PPP1R16B: variants seen among roughly 807,000 people sequenced by gnomAD.
PPP1R16B encodes the protein protein phosphatase 1 regulatory inhibitor subunit 16B.
In PPP1R16B, 14 loss-of-function variants were observed where a neutral mutation model predicts 61.7. The ratio of observed to expected loss-of-function variants is 0.23; its 90% CI spans 0.15 to 0.35. The LOEUF (loss-of-function observed/expected upper bound fraction) is 0.35. PPP1R16B is among the 10% of genes least tolerant of loss of function. The probability of loss-of-function intolerance (pLI) is 1.00; values close to 1 mark genes in which losing one functional copy is unlikely to be tolerated. For synonymous variants in PPP1R16B, 266 were observed against 305.3 expected (o/e 0.87, Z 1.34); for missense variants, 547 against 752.5 (o/e 0.73, Z 3.19).
chr20:38,848,253 A>G (rs1325225328), intron 2 of PPP1R16B, among the ~76,000 whole-genome samples: 2 of 152,094 alleles, frequency 1.3e-5, no homozygotes, highest in Non-Finnish European at 2.9e-5. Flanking sequence ...TTTTGGCCTT[A>G]TTTAAATAAA....
In PPP1R16B at chr20:38,855,982, A is replaced by AAGGAGGAGGAGGAGGAGGAGGAGGAGG. The variant is rs1555804355; in HGVS notation, c.250+19818_250+19819insGAGGAGGAGGAGGAGGAGGAGGAGGAG. ...GAGAGAGAGAGAGAGAGAGAGAGAG[A>AAGGAGGAGGAGGAGGAGGAGGAGGAGG]AGGAGGAGGAGAGAGACCAGGACAG... On this transcript the variant is annotated intron_variant, in intron 2 of 10. Transcript: ENST00000299824. Among the ~76,000 whole-genome samples, 402 of 41,328 alleles carry AAGGAGGAGGAGGAGGAGGAGGAGGAGG rather than the reference A, an allele frequency of 9.7e-3. 23 individuals carry two copies. Among genetic ancestry groups the AAGGAGGAGGAGGAGGAGGAGGAGGAGG allele is most frequent in the African/African-American group, 0.023 (156 of 6,654 alleles). The allele number at this position is 41,328 out of a possible 152,430, so 27.1% of individuals were successfully genotyped here.
intron 2 of PPP1R16B, among the ~76,000 whole-genome samples, chr20:38,854,017 G>T (rs1054491917): frequency 1.3e-5 from 2 of 152,182 alleles, no homozygotes; most frequent in African/African-American, 4.8e-5. Flanking sequence ...GTACTGAAAG[G>T]CATGATTCAT....
rs149113293 is a variant in PPP1R16B at position 38,811,934 on chromosome 20, G to T, written c.-102+6142G>T. 5.3e-5 allele frequency among the ~76,000 whole-genome samples: 8 copies of T among 152,336 alleles called. No homozygotes were observed. The South Asian group carries it at 1.7e-3, about 32-fold the overall frequency. Reference sequence around the variant, plus strand: ...GTGACTGTGTCCAATTCATTCAGCTGTGTGTCTCCAGTTGGCCAGCGTGAT... The same window carrying T: ...GTGACTGTGTCCAATTCATTCAGCTTTGTGTCTCCAGTTGGCCAGCGTGAT... On this transcript the variant is annotated intron_variant, in intron 1 of 10. Transcript: ENST00000299824.
At chr20:38,872,901 TG>T (rs2085140240) in intron 2 of PPP1R16B, 1 of 152,384 alleles carries the variant, frequency 6.6e-6, no homozygotes, top group Non-Finnish European at 1.5e-5. Context: ...GGCATTAATA[TG>T]GTGACCTCCC....
At chr20:38,896,404 A>ATCTC (rs142384788) in intron 4 of PPP1R16B, among the ~76,000 whole-genome samples, 32,329 of 141,100 alleles carry the variant, frequency 0.23, 4,195 homozygotes, top group African/African-American at 0.38. Context: ...TCCTCTCTTC[A>ATCTC]TCTCTCTCTC....
rs1452208237 is a variant in PPP1R16B at position 38,806,510 on chromosome 20, C to G, written c.-102+718C>G. ...CGCTCCCCTCTGGGCGACTCCGGCTCATCGATTCCGGCCCAGAGGAGCGCC... is the reference window on the plus strand; with the variant it reads ...CGCTCCCCTCTGGGCGACTCCGGCTGATCGATTCCGGCCCAGAGGAGCGCC... On this transcript the variant is annotated intron_variant, in intron 1 of 10. Transcript: ENST00000299824. The surrounding 1 kb of genome is among the most constrained non-coding windows in gnomAD (Gnocchi z 4.5). Among the ~76,000 whole-genome samples the G allele has an allele frequency of 6.6e-6, 1 of 152,024 alleles. No homozygotes were observed.
chr20:38,896,500 A>C (rs1415906535), intron 4 of PPP1R16B, among the ~76,000 whole-genome samples: 2 of 145,606 alleles, frequency 1.4e-5, no homozygotes, highest in Non-Finnish European at 1.5e-5. Context: ...TTCTTCTTCT[A>C]TCTCTGTCTC....
chr20:38,888,597 G>A (rs536671885), intron 2 of PPP1R16B, among the ~76,000 whole-genome samples: 5 of 152,140 alleles, frequency 3.3e-5, no homozygotes, highest in Admixed American at 1.3e-4. Context: ...TCATCCACGG[G>A]GAGAGGCAAA....
At chr20:38,884,860 A>G (rs534048061) in intron 2 of PPP1R16B, among the ~76,000 whole-genome samples, 1 of 152,102 alleles carries the variant, frequency 6.6e-6, no homozygotes, top group East Asian at 1.9e-4. Context: ...TCACGAGGTC[A>G]GGAGATTAAG....
intron 2 of PPP1R16B, among the ~76,000 whole-genome samples, chr20:38,868,489 A>T (rs1043153940): frequency 9.3e-5 from 14 of 151,258 alleles, no homozygotes; most frequent in African/African-American, 3.4e-4. Context: ...GGTTCAAGTG[A>T]TTCTTCTGCC....
At chr20:38,902,851 C>T (rs2085408105) in intron 6 of PPP1R16B, 59 bp downstream of exon 6, 1 of 1,609,804 alleles carries the variant, frequency 6.2e-7, no homozygotes, top group South Asian at 1.1e-5. Context: ...GGGCCAGCAC[C>T]TGGTGGGGAC....
In PPP1R16B at chr20:38,905,957, C is replaced by T. The variant is rs758287947; in HGVS notation, c.697-12C>T. On this transcript the variant is annotated splice_polypyrimidine_tract_variant and intron_variant, in intron 6 of 10. Transcript: ENST00000299824. ...TCCCCTGAGGAATGCTCACTTCTTTCCTCTCCTCCAGCTGCACATAGCTGG... is the reference window on the plus strand; with the variant it reads ...TCCCCTGAGGAATGCTCACTTCTTTTCTCTCCTCCAGCTGCACATAGCTGG... The T allele has an allele frequency of 1.3e-4, 216 of 1,611,118 alleles. No individual in the cohort carries two copies. Among genetic ancestry groups the T allele is most frequent in the Non-Finnish European group, 1.7e-4 (206 of 1,178,878 alleles).
At chr20:38,814,391 C>T (rs1210882996) in intron 1 of PPP1R16B, among the ~76,000 whole-genome samples, 6 of 152,152 alleles carry the variant, frequency 3.9e-5, no homozygotes, top group South Asian at 4.1e-4. Context: ...GAGTCAGGTA[C>T]GGGTTTGATT....
At position 38,898,239 on chromosome 20, in the gene PPP1R16B, AT is replaced by A. The variant is rs2085364470; in HGVS notation, c.468-2341del. On this transcript the variant is annotated intron_variant, in intron 4 of 10. Transcript: ENST00000299824. ...TTTTCCTACACTATCTGTTGGAAAG[AT>A]GGTTGGTCTTTTCTCCATTGAATGG... Among the ~76,000 whole-genome samples the A allele has an allele frequency of 3.3e-5, 5 of 152,322 alleles. No individual in the cohort carries two copies. In the South Asian group the frequency reaches 1.0e-3, roughly 32 times the overall value.
chr20:38,857,309 A>T (rs1211156417), intron 2 of PPP1R16B, among the ~76,000 whole-genome samples: 1 of 152,254 alleles, frequency 6.6e-6, no homozygotes, highest in African/African-American at 2.4e-5. Flanking sequence ...GTCAAGGATC[A>T]TCTAGATACT....
At position 38,835,894 on chromosome 20, in the gene PPP1R16B, C is replaced by T. The variant is rs1174580624; in HGVS notation, c.-32C>T. 9.2e-6 allele frequency: 14 copies of T among 1,515,432 alleles called. No individual in the cohort carries two copies. Among genetic ancestry groups the T allele is most frequent in the African/African-American group, 8.3e-5 (6 of 72,594 alleles). 93.9% of individuals were successfully genotyped at this position (1,515,432 alleles called of 1,614,324 possible). On this transcript the variant is annotated 5_prime_UTR_variant, in exon 2 of 11. Transcript: ENST00000299824. ...CTGGCCCCCGGTGCACCGTGCTAGCCCCCAGCCAGGGCGTTGGGGAGGGCG... is the reference window on the plus strand; with the variant it reads ...CTGGCCCCCGGTGCACCGTGCTAGCTCCCAGCCAGGGCGTTGGGGAGGGCG...
intron 2 of PPP1R16B, among the ~76,000 whole-genome samples, chr20:38,870,236 C>A (rs2085119855): frequency 6.6e-6 from 1 of 152,060 alleles, no homozygotes; most frequent in Non-Finnish European, 1.5e-5. Context: ...CCACGCCCGG[C>A]CTGCAGAGCA....
In PPP1R16B at chr20:38,907,967, TG is replaced by T. The variant is rs1207877351; in HGVS notation, c.1028+33del. 5.0e-6 allele frequency: 8 copies of T among 1,613,890 alleles called. No homozygotes were observed. On this transcript the variant is annotated intron_variant, in intron 9 of 10. Coordinates refer to ENST00000299824, the MANE Select transcript of PPP1R16B (RefSeq NM_015568.4). The surrounding 1 kb of genome is among the most constrained non-coding windows in gnomAD (Gnocchi z 4.5). ...CCGGGGCAGGGCAGCCAGGAGTCCC[TG>T]TGTGTGCTCCTGCCTGTGGTGCCTG... is the stretch of plus-strand genomic sequence containing the variant.
chr20:38,888,064 A>G (rs1413937442), intron 2 of PPP1R16B, among the ~76,000 whole-genome samples: 1 of 152,048 alleles, frequency 6.6e-6, no homozygotes, highest in South Asian at 2.1e-4. Context: ...TCTTCTCTTC[A>G]CCCTGCCCAG....
Sources: allele counts gnomAD v4.1 joint callset (sites outside exome capture counted in the v4.1 genomes callset), GRCh38; gene constraint gnomAD v4.1.1; non-coding constraint Gnocchi (gnomAD v3.1); transcripts MANE v1.5; gene names NCBI Gene and HGNC (gene_info 2026-07-23, HGNC 2026-07-21).